Variants in BEND5 observed in about 807,000 individuals in gnomAD.
BEND5 encodes the protein BEN domain containing 5.
A neutral mutation model predicts 43.9 loss-of-function variants in BEND5; 22 were observed. The observed-to-expected ratio is 0.50, with a 90% CI of 0.36 to 0.72. The LOEUF is 0.72. BEND5 is among the 30% of genes least tolerant of loss of function. The pLI is 0.00. For missense variants in BEND5, 428 were observed against 550.6 expected (o/e 0.78, Z 2.23); for synonymous variants, 228 against 225.9 (o/e 1.01, Z -0.08).
In BEND5 at chr1:48,747,511, T is replaced by C. The variant is rs1650959846; in HGVS notation, c.746-4740A>G. Among the ~76,000 whole-genome samples, 3 of 152,348 alleles carry C rather than the reference T, an allele frequency of 2.0e-5. No individual in the cohort carries two copies. In the South Asian group the frequency reaches 6.2e-4, roughly 32 times the overall value. The stretch of plus-strand genomic sequence containing the variant: ...AAAGTATGTTCCTGTTCTGGGGAAG[T>C]TCAGATTTAACATGTGAAACACTAT... On this transcript the variant is annotated intron_variant, in intron 3 of 5. Coordinates refer to ENST00000371833, the MANE Select transcript of BEND5 (RefSeq NM_024603.4).
intron 3 of BEND5, among the ~76,000 whole-genome samples, chr1:48,744,873 G>A (rs1232599547): frequency 6.6e-6 from 1 of 152,154 alleles, no homozygotes; most frequent in African/African-American, 2.4e-5. Context: ...TGTTGTTCCA[G>A]GCCTCTGTGC....
chr1:48,776,530 C>A (rs1360038599), intron 1 of BEND5, 76 bp downstream of exon 1: 5 of 1,122,782 alleles, frequency 4.5e-6, no homozygotes, highest in Non-Finnish European at 5.9e-6. Flanking sequence ...CGGTCCCCTC[C>A]GCCCGGGCCC....
intron 3 of BEND5, among the ~76,000 whole-genome samples, chr1:48,744,452 T>C (rs551704573): frequency 5.8e-4 from 88 of 152,282 alleles, no homozygotes; most frequent in African/African-American, 2.1e-3. Flanking sequence ...CTAAAGCACA[T>C]AGCTGAGTTG....
intron 5 of BEND5, among the ~76,000 whole-genome samples, chr1:48,735,376 T>C (rs572117033): frequency 6.7e-6 from 1 of 149,274 alleles, no homozygotes; most frequent in Non-Finnish European, 1.5e-5. Context: ...TGGCAAAGAA[T>C]GGATGGATGG....
intron 1 of BEND5, among the ~76,000 whole-genome samples, chr1:48,762,106 C>T (rs1421959076): frequency 6.6e-6 from 1 of 152,176 alleles, no homozygotes; most frequent in African/African-American, 2.4e-5. Flanking sequence ...GCTCATGTTA[C>T]ATGAGGAAAT....
Position 48,758,934 on chromosome 1 carries a change from C to A in BEND5, c.711G>T (p.Arg237Ser). ...EMKELRDLNR[R>S]LQDVLLLRLG... ...GCCGCAGGAGCAGCACGTCCTGGAG[C>A]CTCCGGTTAAGGTCACGGAGCTCCT... The change falls in exon 3 of 6, where the codon AGG becomes AGT. Residue 237 changes from arginine to serine, a missense_variant. Physicochemically the swap from Arg to Ser is moderately radical, Grantham distance 110. This residue lies in a region of BEND5 where 243 missense variants were observed against 286.4 expected (regional missense o/e 0.85). Transcript: ENST00000371833. The A allele has an allele frequency of 6.4e-7, 1 of 1,570,806 alleles. No homozygotes were observed. The highest frequency in any genetic ancestry group is 8.6e-7 in the Non-Finnish European group (1 of 1,160,550).
chr1:48,735,329 T>C (rs922270264), intron 5 of BEND5, among the ~76,000 whole-genome samples: 4 of 152,122 alleles, frequency 2.6e-5, no homozygotes, highest in African/African-American at 9.7e-5. Flanking sequence ...GGCTGTGTCT[T>C]ACCCCTCTTT....
intron 1 of BEND5, among the ~76,000 whole-genome samples, chr1:48,764,350 A>G (rs1644424495): frequency 6.6e-6 from 1 of 152,218 alleles, no homozygotes; most frequent in African/African-American, 2.4e-5. Context: ...TGTGAAGATT[A>G]CCAATTCTAT....
intron 5 of BEND5, among the ~76,000 whole-genome samples, chr1:48,734,684 A>G (rs1270270763): frequency 6.6e-6 from 1 of 152,164 alleles, no homozygotes; most frequent in African/African-American, 2.4e-5. Context: ...CATTATAAAG[A>G]TGCTTCTTCC....
intron 1 of BEND5, among the ~76,000 whole-genome samples, chr1:48,772,528 G>A (rs1644889488): frequency 6.6e-6 from 1 of 152,178 alleles, no homozygotes; most frequent in African/African-American, 2.4e-5. Flanking sequence ...AGGTCTCAGG[G>A]AAAGGGGAAG....
At chr1:48,752,378 A>G (rs916826320) in intron 3 of BEND5, among the ~76,000 whole-genome samples, 9 of 152,332 alleles carry the variant, frequency 5.9e-5, no homozygotes, top group Admixed American at 5.9e-4. Flanking sequence ...GTTGAGAGCT[A>G]GAGATGGGAA....
At chr1:48,754,836 A>G (rs994925735) in intron 3 of BEND5, among the ~76,000 whole-genome samples, 7 of 152,218 alleles carry the variant, frequency 4.6e-5, no homozygotes, top group Middle Eastern at 3.4e-3. Context: ...GGAAAAATGA[A>G]GTCTAAGAGC....
At chr1:48,767,908 A>G (rs1201925249) in intron 1 of BEND5, among the ~76,000 whole-genome samples, 2 of 152,162 alleles carry the variant, frequency 1.3e-5, no homozygotes, top group Non-Finnish European at 2.9e-5. Flanking sequence ...CCATTCAACA[A>G]ATACTGAGTG....
chr1:48,763,502 C>A (rs1216633217), intron 1 of BEND5, among the ~76,000 whole-genome samples: 3 of 151,602 alleles, frequency 2.0e-5, no homozygotes, highest in African/African-American at 7.3e-5. Flanking sequence ...GTGAAAAAAA[C>A]AGACAAAAAG....
In BEND5 at chr1:48,731,583, T is replaced by C. The variant is rs112133190; in HGVS notation, c.1109-3540A>G. On this transcript the variant is annotated intron_variant, in intron 5 of 5. Coordinates refer to ENST00000371833, the MANE Select transcript of BEND5 (RefSeq NM_024603.4). ...CTGAAGGAAGGCTCACCTAAGCAGA[T>C]CTGGGTGGTAAGCAGCAGTTAGCCA... Among the ~76,000 whole-genome samples, 909 of 152,200 alleles carry C rather than the reference T, an allele frequency of 6.0e-3. 13 individuals are homozygous for C. Among genetic ancestry groups the C allele is most frequent in the African/African-American group, 0.021 (868 of 41,522 alleles).
chr1:48,763,210 A>G (rs1644364949), intron 1 of BEND5, among the ~76,000 whole-genome samples: 4 of 152,202 alleles, frequency 2.6e-5, no homozygotes, highest in African/African-American at 9.7e-5. Flanking sequence ...AATAACCCCT[A>G]CTGATGAAAA....
chr1:48,734,695 A>G (rs1055679424), intron 5 of BEND5, among the ~76,000 whole-genome samples: 2 of 152,210 alleles, frequency 1.3e-5, no homozygotes, highest in African/African-American at 4.8e-5. Flanking sequence ...TGCTTCTTCC[A>G]CATCCAGATT....
intron 1 of BEND5, among the ~76,000 whole-genome samples, chr1:48,770,546 A>G (rs1644761524): frequency 6.6e-6 from 1 of 152,076 alleles, no homozygotes; most frequent in Admixed American, 6.5e-5. Flanking sequence ...TCCCACTGTA[A>G]CTTCAAACCT....
At chr1:48,728,104 A>G in intron 5 of BEND5, 61 bp from the exon 6 acceptor site, 1 of 1,479,052 alleles carries the variant, frequency 6.8e-7, no homozygotes, top group Non-Finnish European at 9.1e-7. Context: ...AAATCTTTTA[A>G]GGAGGGTAAA....
Sources: gnomAD v4.1 joint callset for allele counts (sites outside exome capture counted in the v4.1 genomes callset) on GRCh38, gnomAD v4.1.1 for gene constraint, gnomAD v4.1.1 regional missense constraint, MANE v1.5 for transcripts, NCBI Gene and HGNC (gene_info 2026-07-23, HGNC 2026-07-21) for gene names.